The following NRXN1 variants were observed in gnomAD, a reference collection of about 807,000 sequenced individuals.
NRXN1 encodes the protein neurexin-1.
In NRXN1, 39 loss-of-function variants were observed where a neutral mutation model predicts 150.9. The ratio of observed to expected loss-of-function variants is 0.26; its 90% CI spans 0.20 to 0.34. The LOEUF (loss-of-function observed/expected upper bound fraction) is 0.34. Ranked by LOEUF, NRXN1 falls within the 10% of genes least tolerant of loss-of-function variation. NRXN1 has a pLI of 1.00. For synonymous variants in NRXN1, 924 were observed against 757.0 expected (o/e 1.22, Z -3.62); for missense variants, 1,815 against 1,949.9 (o/e 0.93, Z 1.30).
intron 19 of NRXN1, among the ~76,000 whole-genome samples, chr2:50,084,533 G>C (rs1210572990): frequency 6.6e-6 from 1 of 152,164 alleles, no homozygotes; most frequent in Non-Finnish European, 1.5e-5. Context: ...CGCTCACCAG[G>C]AACTCTAGGT....
intron 17 of NRXN1, among the ~76,000 whole-genome samples, chr2:50,435,948 CTAAAA>C (rs932843887): frequency 6.6e-6 from 1 of 151,946 alleles, no homozygotes; most frequent in African/African-American, 2.4e-5. Context: ...TACCCCTAAA[CTAAAA>C]TAAAAGTTAT....
chr2:50,855,803 C>T (rs1675194304), intron 5 of NRXN1, among the ~76,000 whole-genome samples: 1 of 151,990 alleles, frequency 6.6e-6, no homozygotes. Context: ...GCATGCTATA[C>T]TTAAAGTGTA....
At chr2:51,019,816 A>G (rs895999790) in intron 2 of NRXN1, among the ~76,000 whole-genome samples, 3 of 152,036 alleles carry the variant, frequency 2.0e-5, no homozygotes, top group African/African-American at 7.2e-5. Flanking sequence ...GTGGAAAATG[A>G]TTCAAATTCA....
intron 17 of NRXN1, among the ~76,000 whole-genome samples, chr2:50,413,810 G>A (rs1205930080): frequency 6.6e-6 from 1 of 152,012 alleles, no homozygotes; most frequent in Non-Finnish European, 1.5e-5. Context: ...AATGCATAAA[G>A]GAAATGTGTT....
intron 18 of NRXN1, among the ~76,000 whole-genome samples, chr2:50,220,560 C>G (rs538441111): frequency 6.6e-6 from 1 of 152,080 alleles, no homozygotes; most frequent in South Asian, 2.1e-4. Flanking sequence ...CAAGGCAGAA[C>G]CGAAATCCCT....
intron 18 of NRXN1, among the ~76,000 whole-genome samples, chr2:50,196,852 A>C (rs2061803086): frequency 6.6e-6 from 1 of 152,166 alleles, no homozygotes; most frequent in Non-Finnish European, 1.5e-5. Flanking sequence ...GTGGGAGCTA[A>C]ATGATGAGAA....
At chr2:50,672,072 C>T (rs975645312) in intron 5 of NRXN1, among the ~76,000 whole-genome samples, 1 of 151,664 alleles carries the variant, frequency 6.6e-6, no homozygotes, top group African/African-American at 2.4e-5. Context: ...TATGGTGACC[C>T]ATAATATTTA....
At chr2:50,680,700 G>T (rs1163207515) in intron 5 of NRXN1, among the ~76,000 whole-genome samples, 1 of 151,686 alleles carries the variant, frequency 6.6e-6, no homozygotes, top group African/African-American at 2.4e-5. Flanking sequence ...TATCACAATG[G>T]TTTGCCACAA....
chr2:50,180,403 A>G (rs373353358), intron 18 of NRXN1, among the ~76,000 whole-genome samples: 115 of 152,232 alleles, frequency 7.6e-4, no homozygotes, highest in African/African-American at 2.4e-3. Flanking sequence ...CTAGTGTTCC[A>G]GCATGTATAA....
chr2:50,588,394 T>A (rs1673522039), intron 8 of NRXN1, among the ~76,000 whole-genome samples: 1 of 152,118 alleles, frequency 6.6e-6, no homozygotes, highest in South Asian at 2.1e-4. Context: ...CTGCACCTCA[T>A]GAAATCATAT....
At chr2:50,015,538 AAAAAAAG>A (rs1686441920) in intron 21 of NRXN1, among the ~76,000 whole-genome samples, 1 of 150,296 alleles carries the variant, frequency 6.7e-6, no homozygotes, top group African/African-American at 2.4e-5. Flanking sequence ...AAAAAAAAAA[AAAAAAAG>A]ACCTGGGCTT....
At chr2:50,828,360 T>G (rs1670825955) in intron 5 of NRXN1, among the ~76,000 whole-genome samples, 1 of 146,468 alleles carries the variant, frequency 6.8e-6, no homozygotes, top group Non-Finnish European at 1.5e-5. Context: ...GCGGCTGGCC[T>G]GGCGGGGGCT....
At chr2:50,294,757 G>A (rs2073364495) in intron 17 of NRXN1, among the ~76,000 whole-genome samples, 1 of 152,176 alleles carries the variant, frequency 6.6e-6, no homozygotes, top group South Asian at 2.1e-4. Context: ...ATCAGAACTT[G>A]CTGGCCAAAG....
In NRXN1 at chr2:50,131,842, G is replaced by C. The variant is rs1201924468; in HGVS notation, c.3547-40348C>G. Among the ~76,000 whole-genome samples, 6 of 152,274 alleles carry C rather than the reference G, an allele frequency of 3.9e-5. No individual in the cohort carries two copies. In the East Asian group the frequency reaches 1.2e-3, roughly 29 times the overall value. Reference sequence around the variant, plus strand: ...AGAGGGACAAACAAAGGCCACCTAGGTAGTGGTTATCCTACTGTCAGGACA... The same window carrying C: ...AGAGGGACAAACAAAGGCCACCTAGCTAGTGGTTATCCTACTGTCAGGACA... On this transcript the variant is annotated intron_variant, in intron 18 of 22. Transcript: ENST00000401669.
intron 18 of NRXN1, among the ~76,000 whole-genome samples, chr2:50,100,431 T>C (rs1212817473): frequency 6.6e-6 from 1 of 152,084 alleles, no homozygotes; most frequent in Non-Finnish European, 1.5e-5. Flanking sequence ...ATCAAAACAA[T>C]GTCAAGATGA....
At chr2:50,239,403 C>G (rs2065776948) in intron 17 of NRXN1, among the ~76,000 whole-genome samples, 2 of 150,700 alleles carry the variant, frequency 1.3e-5, no homozygotes, top group Non-Finnish European at 1.5e-5. Flanking sequence ...CAACACATAT[C>G]TAAGAATTCA....
rs138283006 is a variant in NRXN1, at chr2:50,950,057, T to C, written c.773-24102A>G. Among the ~76,000 whole-genome samples the C allele has an allele frequency of 2.8e-3, 428 of 152,264 alleles. 1 individual carries two copies. The highest frequency in any genetic ancestry group is 9.9e-3 in the African/African-American group (413 of 41,578). On this transcript the variant is annotated intron_variant, in intron 2 of 22. Transcript: ENST00000401669. ...AGTGCTAGCTATTTGCTAAGCAGAA[T>C]AACAACACTGGAACTATCTCCTGGC... is the stretch of plus-strand genomic sequence containing the variant.
chr2:50,167,306 A>G (rs2059747791), intron 18 of NRXN1, among the ~76,000 whole-genome samples: 1 of 152,168 alleles, frequency 6.6e-6, no homozygotes, highest in African/African-American at 2.4e-5. Flanking sequence ...AAGATCGAAG[A>G]ACACTCTCCT....
At chr2:50,979,319 G>A (rs1696408804) in intron 2 of NRXN1, 2 of 514,428 alleles carry the variant, frequency 3.9e-6, no homozygotes, top group Non-Finnish European at 7.8e-6. Context: ...CAATGTGACA[G>A]CAATTCCATC....
Sources: gnomAD v4.1 joint callset for allele counts (sites outside exome capture counted in the v4.1 genomes callset) on GRCh38, gnomAD v4.1.1 for gene constraint, MANE v1.5 for transcripts, NCBI Gene and HGNC (gene_info 2026-07-23, HGNC 2026-07-21) for gene names.